Variants in SPATA16 observed in about 807,000 individuals in gnomAD.
SPATA16 encodes the protein spermatogenesis-associated protein 16.
SPATA16 carries 36 observed loss-of-function variants against 63.3 expected under a neutral mutation model. The observed-to-expected ratio is 0.57, with a 90% confidence interval of 0.44 to 0.75. The LOEUF is 0.75. SPATA16 is among the 30% of genes least tolerant of loss of function. SPATA16 has a pLI of 0.00. For synonymous variants in SPATA16, 203 were observed against 216.7 expected, an observed-to-expected ratio of 0.94 and a Z score of 0.56; for missense variants, 646 against 679.3, an observed-to-expected ratio of 0.95 and a Z score of 0.54.
chr3:172,968,297 G>A (rs1177488771), intron 5 of SPATA16, among the ~76,000 whole-genome samples: 1 of 152,146 alleles, frequency 6.6e-6, no homozygotes, highest in Admixed American at 6.6e-5. Context: ...TGGTAGCAGG[G>A]GACTAAGCCA....
chr3:173,101,900 C>A (rs1182374747), intron 2 of SPATA16, among the ~76,000 whole-genome samples: 1 of 152,174 alleles, frequency 6.6e-6, no homozygotes, highest in Non-Finnish European at 1.5e-5. Context: ...CTGTCCTCTC[C>A]TACCCAGCCC....
intron 5 of SPATA16, among the ~76,000 whole-genome samples, chr3:172,964,520 C>G (rs548549801): frequency 1.2e-4 from 18 of 152,288 alleles, no homozygotes; most frequent in African/African-American, 4.3e-4. Context: ...GCTACATTAC[C>G]TGCAATTAGT....
chr3:172,921,355 A>G (rs1732611974), intron 8 of SPATA16, among the ~76,000 whole-genome samples: 1 of 152,174 alleles, frequency 6.6e-6, no homozygotes, highest in Admixed American at 6.5e-5. Flanking sequence ...GACACTGGTC[A>G]CTCACTGTCT....
In SPATA16 at chr3:172,916,396, G is replaced by C. The variant is rs1264602970; in HGVS notation, c.1424C>G (p.Ser475Cys). The change falls in exon 9 of 11, where the codon TCC becomes TGC. Residue 475 changes from serine to cysteine, a missense_variant. Physicochemically the swap from Ser to Cys is moderately radical, Grantham distance 112. Coordinates refer to ENST00000351008, the MANE Select transcript of SPATA16 (RefSeq NM_031955.6). ...LSQLQRVKEQ[S>C]QVINQAMAEL... is the part of the protein sequence containing the mutation. ...TGCCATTGCTTGATTAATCACCTGG[G>C]ACTGCTCCTTTACTCTCTGCAGCTG... 12 of 1,613,736 alleles carry C rather than the reference G, an allele frequency of 7.4e-6. No homozygotes were observed. The highest frequency in any genetic ancestry group is 1.3e-5 in the African/African-American group (1 of 74,866).
At position 173,117,733 on chromosome 3, in the gene SPATA16, G is replaced by A. The variant is rs1737947552; in HGVS notation, c.-2C>T. 1 of 1,613,990 alleles carries A rather than the reference G, an allele frequency of 6.2e-7. No individual in the cohort carries two copies. Among genetic ancestry groups the A allele is most frequent in the Non-Finnish European group, 8.5e-7 (1 of 1,179,976 alleles). ...ACTCCTACTGCTTCCTGCATCCATC[G>A]ATCCTGCCCAAAACTCCTGCAGGGG... On this transcript the variant is annotated 5_prime_UTR_variant, in exon 2 of 11. Coordinates refer to ENST00000351008, the MANE Select transcript of SPATA16 (RefSeq NM_031955.6).
At chr3:173,138,460 A>G (rs1269977210) in intron 1 of SPATA16, among the ~76,000 whole-genome samples, 1 of 152,184 alleles carries the variant, frequency 6.6e-6, no homozygotes, top group African/African-American at 2.4e-5. Flanking sequence ...GTTATATACA[A>G]TTCCCTTCCT....
In SPATA16 at chr3:172,916,371, T is replaced by C. The variant is rs1042412011; in HGVS notation, c.1449A>G (p.Ala483=). The C allele has an allele frequency of 1.9e-6, 3 of 1,613,758 alleles. No homozygotes were observed. Among genetic ancestry groups the C allele is most frequent in the Non-Finnish European group, 2.5e-6 (3 of 1,179,782 alleles). The change falls in exon 9 of 11, where the codon GCA becomes GCG. Residue 483 remains alanine (A), a synonymous_variant. Coordinates refer to ENST00000351008, the MANE Select transcript of SPATA16 (RefSeq NM_031955.6). The part of the protein sequence containing the change: ...EQSQVINQAM[A]ELATIPYLQD... ...GTAGGTAGGGAATGGTTGCTAGCTC[T>C]GCCATTGCTTGATTAATCACCTGGG...
At chr3:173,088,035 TTTCTTTC>T (rs1737112874) in intron 2 of SPATA16, among the ~76,000 whole-genome samples, 2 of 138,910 alleles carry the variant, frequency 1.4e-5, no homozygotes, top group Non-Finnish European at 3.1e-5. Flanking sequence ...TCTTTCTTTC[TTTCTTTC>T]TTTCTTTCTT....
intron 2 of SPATA16, among the ~76,000 whole-genome samples, chr3:173,093,765 G>A (rs1175716079): frequency 6.6e-6 from 1 of 152,144 alleles, no homozygotes; most frequent in Non-Finnish European, 1.5e-5. Flanking sequence ...TATTGATACA[G>A]TCACTCCTTA....
At chr3:172,969,050 A>G (rs1199783521) in intron 5 of SPATA16, among the ~76,000 whole-genome samples, 5 of 152,164 alleles carry the variant, frequency 3.3e-5, no homozygotes, top group Admixed American at 6.6e-5. Flanking sequence ...GGGAATTTTA[A>G]TATTGTCTAG....
intron 6 of SPATA16, among the ~76,000 whole-genome samples, chr3:172,937,884 A>G (rs983613090): frequency 6.6e-6 from 1 of 152,222 alleles, no homozygotes; most frequent in Non-Finnish European, 1.5e-5. Context: ...TACATCATCC[A>G]GACAGACAGC....
chr3:173,129,887 A>G lies in SPATA16; in HGVS notation c.-19+11216T>C, dbSNP rs2108346752. Among the ~76,000 whole-genome samples, 3 of 152,254 alleles carry G rather than the reference A, an allele frequency of 2.0e-5. No individual in the cohort carries two copies. In the Middle Eastern group the frequency reaches 0.01, roughly 518 times the overall value. Reference sequence around the variant, plus strand: ...ATGCATGATCCACTGGAATGGGTACACTACGGGTAATGAATGAATAGTATT... The same window carrying G: ...ATGCATGATCCACTGGAATGGGTACGCTACGGGTAATGAATGAATAGTATT... On this transcript the variant is annotated intron_variant, in intron 1 of 10. Transcript: ENST00000351008.
chr3:172,917,202 C>T (rs941401493), intron 8 of SPATA16, among the ~76,000 whole-genome samples: 1 of 152,128 alleles, frequency 6.6e-6, no homozygotes, highest in Non-Finnish European at 1.5e-5. Context: ...CCTGTTACTG[C>T]CATCCACAAA....
chr3:173,041,896 A>C (rs1468489630), intron 3 of SPATA16, among the ~76,000 whole-genome samples: 1 of 152,136 alleles, frequency 6.6e-6, no homozygotes, highest in East Asian at 1.9e-4. Context: ...TGGCGCATGT[A>C]TACATATGTA....
At chr3:172,889,814 G>C (rs1731857661) in intron 10 of SPATA16, 122 bp from the exon 11 acceptor site, 3 of 1,357,946 alleles carry the variant, frequency 2.2e-6, no homozygotes, top group Non-Finnish European at 3.0e-6. Context: ...AACAGAACTG[G>C]CAGAAACAGA....
chr3:172,928,328 T>C (rs752826988), intron 6 of SPATA16, among the ~76,000 whole-genome samples: 27 of 152,216 alleles, frequency 1.8e-4, no homozygotes, highest in Non-Finnish European at 3.2e-4. Flanking sequence ...GTGCAGGAAG[T>C]TTCTTTGCTT....
chr3:173,138,409 C>T (rs1027019908), intron 1 of SPATA16, among the ~76,000 whole-genome samples: 7 of 152,156 alleles, frequency 4.6e-5, no homozygotes, highest in African/African-American at 1.7e-4. Context: ...CCAATATTTT[C>T]AACTCTATAT....
At chr3:173,068,390 T>G (rs1292173645) in intron 2 of SPATA16, among the ~76,000 whole-genome samples, 1 of 152,232 alleles carries the variant, frequency 6.6e-6, no homozygotes, top group Non-Finnish European at 1.5e-5. Flanking sequence ...TCTATTTGCT[T>G]CTTTGTTTTT....
chr3:173,139,691 A>C (rs79132578), intron 1 of SPATA16, among the ~76,000 whole-genome samples: 2,190 of 152,316 alleles, frequency 0.014, 28 homozygotes, highest in Non-Finnish European at 0.023. Context: ...TGTGTGTCTT[A>C]ATTAGAAAGA....
Sources: allele counts gnomAD v4.1 joint callset (sites outside exome capture counted in the v4.1 genomes callset), GRCh38; gene constraint gnomAD v4.1.1; transcripts MANE v1.5; gene names NCBI Gene and HGNC (gene_info 2026-07-23, HGNC 2026-07-21).